The following CSGALNACT1 variants were observed in gnomAD, a reference collection of about 807,000 sequenced individuals.
CSGALNACT1 encodes the protein chondroitin sulfate N-acetylgalactosaminyltransferase 1, also known as beta4GalNAcT-1.
CSGALNACT1 carries 52 observed loss-of-function variants against 51.0 expected under a neutral mutation model. That is an observed-to-expected ratio of 1.02 (90% CI 0.82 to 1.29). The LOEUF (loss-of-function observed/expected upper bound fraction) is 1.29, where lower values mean the gene tolerates loss of function less well. CSGALNACT1 is among the 50% of genes most tolerant of loss of function. The pLI is 0.00. For synonymous variants in CSGALNACT1, 341 were observed against 254.4 expected (o/e 1.34, Z -3.24); for missense variants, 935 against 679.2 (o/e 1.38, Z -4.19).
chr8:19,430,403 A>G (rs1353648804), intron 6 of CSGALNACT1, among the ~76,000 whole-genome samples: 1 of 152,216 alleles, frequency 6.6e-6, no homozygotes, highest in East Asian at 1.9e-4. Flanking sequence ...TATCAACTAC[A>G]GAAAACAACT....
chr8:19,593,062 T>A (rs993148294), intron 2 of CSGALNACT1, among the ~76,000 whole-genome samples: 20 of 152,232 alleles, frequency 1.3e-4, no homozygotes, highest in African/African-American at 4.8e-4. Context: ...CCAAATATTT[T>A]CAGTAAGTAA....
chr8:19,710,647 A>G (rs2062449970), intron 1 of CSGALNACT1, among the ~76,000 whole-genome samples: 1 of 151,638 alleles, frequency 6.6e-6, no homozygotes, highest in Non-Finnish European at 1.5e-5. Context: ...TTCTGGATGG[A>G]AAAAAAAAGA....
In CSGALNACT1 at chr8:19,432,878, C is replaced by G. The variant is rs1435763825; in HGVS notation, c.953+6952G>C. ...ATGTGTTTTTACTTTTGTGAATATACTTAATACAACTGATTAAAAATTTTT... is the reference window on the plus strand; with the variant it reads ...ATGTGTTTTTACTTTTGTGAATATAGTTAATACAACTGATTAAAAATTTTT... On this transcript the variant is annotated intron_variant, in intron 6 of 9. Transcript: ENST00000454498. Among the ~76,000 whole-genome samples the G allele has an allele frequency of 2.0e-5, 3 of 151,988 alleles. No individual in the cohort carries two copies. In the South Asian group the frequency reaches 6.2e-4, roughly 31 times the overall value.
intron 5 of CSGALNACT1, among the ~76,000 whole-genome samples, chr8:19,447,723 A>G (rs566924774): frequency 2.0e-5 from 3 of 152,306 alleles, no homozygotes; most frequent in African/African-American, 7.2e-5. Flanking sequence ...ACGGAGAAAC[A>G]AGCTCAGTAA....
intron 2 of CSGALNACT1, among the ~76,000 whole-genome samples, chr8:19,596,194 T>G (rs1264577122): frequency 6.6e-6 from 1 of 152,142 alleles, no homozygotes; most frequent in Non-Finnish European, 1.5e-5. Flanking sequence ...AGGAAAGGTA[T>G]CACATTGTGG....
At chr8:19,597,101 A>G (rs958679916) in intron 2 of CSGALNACT1, among the ~76,000 whole-genome samples, 8 of 152,126 alleles carry the variant, frequency 5.3e-5, no homozygotes, top group African/African-American at 1.4e-4. Context: ...AGTATTTGTC[A>G]TACTGCGACT....
intron 3 of CSGALNACT1, among the ~76,000 whole-genome samples, chr8:19,537,386 C>T (rs1327699951): frequency 6.6e-6 from 1 of 152,100 alleles, no homozygotes; most frequent in Non-Finnish European, 1.5e-5. Context: ...CTCCACCCTT[C>T]GATTATGGTA....
At chr8:19,478,710 C>T (rs151079495) in intron 4 of CSGALNACT1, among the ~76,000 whole-genome samples, 1 of 152,148 alleles carries the variant, frequency 6.6e-6, no homozygotes, top group African/African-American at 2.4e-5. Context: ...AATGACCCCC[C>T]CTTTCTCCAC....
At chr8:19,504,894 T>C (rs2077020403) in intron 4 of CSGALNACT1, among the ~76,000 whole-genome samples, 1 of 152,240 alleles carries the variant, frequency 6.6e-6, no homozygotes, top group South Asian at 2.1e-4. Context: ...CCCTGTCATA[T>C]TTTATTTGGG....
intron 6 of CSGALNACT1, 151 bp from the exon 6 acceptor site, chr8:19,420,669 C>T: frequency 1.2e-6 from 1 of 800,112 alleles, no homozygotes; most frequent in South Asian, 1.4e-5. Context: ...CAGAACGGCC[C>T]AGACTCACAG....
chr8:19,609,656 TG>T (rs2051915396), intron 1 of CSGALNACT1, among the ~76,000 whole-genome samples: 2 of 98,140 alleles, frequency 2.0e-5, no homozygotes, highest in Admixed American at 2.4e-4. Context: ...GGATGGGGGT[TG>T]GGGGGTGAGA....
At chr8:19,509,280 T>A (rs2077983849) in intron 3 of CSGALNACT1, among the ~76,000 whole-genome samples, 6 of 152,192 alleles carry the variant, frequency 3.9e-5, no homozygotes, top group Admixed American at 3.3e-4. Flanking sequence ...CTTGCTTCTG[T>A]GAAGACTTCA....
chr8:19,619,384 T>C (rs2053525616), intron 1 of CSGALNACT1, among the ~76,000 whole-genome samples: 1 of 152,020 alleles, frequency 6.6e-6, no homozygotes, highest in Admixed American at 6.6e-5. Context: ...TAGAGGAGGC[T>C]GGGAACCTCT....
At chr8:19,737,653 C>T (rs2064067326) in intron 1 of CSGALNACT1, among the ~76,000 whole-genome samples, 2 of 151,618 alleles carry the variant, frequency 1.3e-5, no homozygotes, top group African/African-American at 2.4e-5. Context: ...GAAAATGAAA[C>T]ATAAAAGAAG....
chr8:19,685,735 A>G (rs2060936645), upstream of CSGALNACT1, among the ~76,000 whole-genome samples: 2 of 152,312 alleles, frequency 1.3e-5, no homozygotes, highest in South Asian at 4.1e-4. Context: ...CTAGGCCATC[A>G]TTCATATTCT....
At chr8:19,678,757 A>C (rs2060378100) in intron 1 of CSGALNACT1, 1 of 152,202 alleles carries the variant, frequency 6.6e-6, no homozygotes, top group Non-Finnish European at 1.5e-5. Flanking sequence ...TCAGCACATG[A>C]AACAGATTCG....
chr8:19,695,724 G>A (rs976109133), intron 1 of CSGALNACT1, among the ~76,000 whole-genome samples: 1 of 152,176 alleles, frequency 6.6e-6, no homozygotes, highest in Non-Finnish European at 1.5e-5. Flanking sequence ...AAAGGCCTCC[G>A]AAAGTTACTA....
At chr8:19,660,190 A>G (rs1290318977) in intron 1 of CSGALNACT1, among the ~76,000 whole-genome samples, 1 of 152,212 alleles carries the variant, frequency 6.6e-6, no homozygotes, top group Non-Finnish European at 1.5e-5. Flanking sequence ...GGCATTCTAT[A>G]TTATTCCATA....
At chr8:19,441,034 G>C (rs1272657044) in intron 5 of CSGALNACT1, among the ~76,000 whole-genome samples, 1 of 152,148 alleles carries the variant, frequency 6.6e-6, no homozygotes, top group Non-Finnish European at 1.5e-5. Flanking sequence ...CCTCTTCAAG[G>C]AGAACTACAA....
Sources: allele counts gnomAD v4.1 joint callset (sites outside exome capture counted in the v4.1 genomes callset), GRCh38; gene constraint gnomAD v4.1.1; transcripts MANE v1.5; gene names NCBI Gene and HGNC (gene_info 2026-07-23, HGNC 2026-07-21).